Variants in P2RX7 observed in about 807,000 individuals in gnomAD.
P2RX7 encodes the protein P2X purinoceptor 7.
Under a neutral mutation model 71.6 loss-of-function variants are expected in P2RX7, and 62 were observed. That is an observed-to-expected ratio of 0.87 (90% CI 0.71 to 1.07). P2RX7 has a LOEUF of 1.07. Ranked by LOEUF, P2RX7 falls within the 50% of genes least tolerant of loss-of-function variation. The pLI is 0.00. For missense variants in P2RX7, 686 were observed against 748.5 expected, an observed-to-expected ratio of 0.92 and a Z score of 0.97; for synonymous variants, 299 against 283.3, an observed-to-expected ratio of 1.06 and a Z score of -0.56.
intron 1 of P2RX7, among the ~76,000 whole-genome samples, chr12:121,138,696 C>A (rs1874215911): frequency 6.6e-6 from 1 of 152,216 alleles, no homozygotes; most frequent in African/African-American, 2.4e-5. Context: ...TCTAAGTGTA[C>A]CTCTCTAGTC....
At chr12:121,172,181 C>A (rs1048820467) in intron 8 of P2RX7, among the ~76,000 whole-genome samples, 1 of 152,164 alleles carries the variant, frequency 6.6e-6, no homozygotes, top group Non-Finnish European at 1.5e-5. Flanking sequence ...GTGATTCTTG[C>A]CTTCAGTTTA....
chr12:121,154,780 T>A lies in P2RX7; in HGVS notation c.126-5T>A, dbSNP rs910391503. ...CGTTGATGCTTTCCCATGTCTGCCA[T>A]TTAGCTTTGCTCTGGTGAGTGACAA... On this transcript the variant is annotated splice_region_variant and splice_polypyrimidine_tract_variant and intron_variant, in intron 1 of 12. Coordinates refer to ENST00000328963, the MANE Select transcript of P2RX7 (RefSeq NM_002562.6). This position sits in a 1 kb window ranked among gnomAD's most constrained non-coding sequence, Gnocchi z 4.2. The A allele has an allele frequency of 6.2e-7, 1 of 1,602,712 alleles. No individual in the cohort carries two copies. Among genetic ancestry groups the A allele is most frequent in the Non-Finnish European group, 8.6e-7 (1 of 1,169,576 alleles).
intron 5 of P2RX7, among the ~76,000 whole-genome samples, chr12:121,164,617 C>T (rs208300): frequency 0.3 from 45,245 of 151,656 alleles, 6,946 homozygotes; most frequent in African/African-American, 0.33. Context: ...CCCATCTCTA[C>T]TAAAAAATGC....
In P2RX7 at chr12:121,132,947, C is replaced by T. The variant is rs1329623941; in HGVS notation, c.-24C>T. 2.5e-6 allele frequency: 4 copies of T among 1,612,826 alleles called. No individual in the cohort carries two copies. The highest frequency in any genetic ancestry group is 1.3e-5 in the African/African-American group (1 of 74,910). ...GAAGAGTAGAGCTCTGGTCCAGCTC[C>T]GCGCAGGGAGGGAGGCTGTCACCAT... is the stretch of plus-strand genomic sequence containing the variant. On this transcript the variant is annotated 5_prime_UTR_variant, in exon 1 of 13. Transcript: ENST00000328963.
chr12:121,155,977 G>A lies in P2RX7; in HGVS notation c.295-102G>A, dbSNP rs527864453. 3.5e-5 allele frequency: 36 copies of A among 1,036,376 alleles called. No individual in the cohort carries two copies. In the African/African-American group the frequency reaches 5.2e-4, roughly 15 times the overall value. 64.2% of individuals were successfully genotyped at this position (1,036,376 alleles called of 1,614,324 possible). A position where few individuals can be genotyped will look rare whatever the true frequency, so the allele number is the denominator to read the frequency against. On this transcript the variant is annotated intron_variant, in intron 2 of 12. Transcript: ENST00000328963. ...TGCCCACAGATCCTGATTTCTAGAAGCTTAGAAAAGTGGAGAGGTTCGCCC... is the reference window on the plus strand; with the variant it reads ...TGCCCACAGATCCTGATTTCTAGAAACTTAGAAAAGTGGAGAGGTTCGCCC...
At chr12:121,151,040 A>G (rs1877286293) in intron 1 of P2RX7, among the ~76,000 whole-genome samples, 1 of 152,090 alleles carries the variant, frequency 6.6e-6, no homozygotes. Context: ...CTCATCCTTC[A>G]TCCCATTCTC....
At chr12:121,160,521 C>G (rs1437743558) in intron 3 of P2RX7, among the ~76,000 whole-genome samples, 1 of 152,184 alleles carries the variant, frequency 6.6e-6, no homozygotes, top group African/African-American at 2.4e-5. Flanking sequence ...CTCCCCTTCC[C>G]CTGTCCCTGG....
intron 1 of P2RX7, among the ~76,000 whole-genome samples, chr12:121,136,631 T>TTTTC (rs745787357): frequency 1.2e-4 from 18 of 149,526 alleles, no homozygotes; most frequent in East Asian, 5.9e-4. Flanking sequence ...CTACAATTCC[T>TTTTC]TTTCTTTCTT....
intron 11 of P2RX7, among the ~76,000 whole-genome samples, chr12:121,179,714 T>A (rs1475380192): frequency 1.3e-5 from 2 of 152,154 alleles, no homozygotes; most frequent in Non-Finnish European, 2.9e-5. Flanking sequence ...TAAGTTGCAA[T>A]AGTACAAATT....
At chr12:121,163,561 G>A (rs1321467458) in intron 5 of P2RX7, among the ~76,000 whole-genome samples, 1 of 113,840 alleles carries the variant, frequency 8.8e-6, no homozygotes, top group African/African-American at 3.0e-5. Flanking sequence ...TAGAAAGATA[G>A]ATAGATAGAT....
At chr12:121,134,321 A>G (rs1873046387) in intron 1 of P2RX7, among the ~76,000 whole-genome samples, 2 of 152,184 alleles carry the variant, frequency 1.3e-5, no homozygotes, top group African/African-American at 4.8e-5. Flanking sequence ...TCAGCAGAGT[A>G]TGAGGGATCC....
At chr12:121,160,797 T>C in intron 3 of P2RX7, 105 bp from the exon 4 acceptor site, 4 of 966,240 alleles carry the variant, frequency 4.1e-6, no homozygotes, top group Non-Finnish European at 6.8e-6. Flanking sequence ...TGAGTAGTGC[T>C]GCTATAAGCA....
At position 121,149,129 on chromosome 12, in the gene P2RX7, T is replaced by A. The variant is rs1876870923; in HGVS notation, c.126-5656T>A. 1 of 521,732 alleles carries A rather than the reference T, an allele frequency of 1.9e-6. No homozygotes were observed. The highest frequency in any genetic ancestry group is 2.0e-5 in the African/African-American group (1 of 51,246). 32.3% of individuals were successfully genotyped at this position (521,732 alleles called of 1,614,324 possible). A position where few individuals can be genotyped will look rare whatever the true frequency, so the allele number is the denominator to read the frequency against. On this transcript the variant is annotated intron_variant, in intron 1 of 12. Transcript: ENST00000328963. This position sits in a 1 kb window ranked among gnomAD's most constrained non-coding sequence, Gnocchi z 4.7. The stretch of plus-strand genomic sequence containing the variant: ...TGATGCCAGTGTAAGTCTGTGACAG[T>A]CACTCATATTCAGAGCATGTGGATT...
chr12:121,136,647 C>CTTT (rs66894143), intron 1 of P2RX7, among the ~76,000 whole-genome samples: 12 of 119,234 alleles, frequency 1.0e-4, no homozygotes, highest in South Asian at 2.8e-4. Flanking sequence ...TTCTTTCTTT[C>CTTT]TTTTTTTTTT....
chr12:121,172,488 C>T (rs1008773231), intron 8 of P2RX7, among the ~76,000 whole-genome samples: 1 of 152,084 alleles, frequency 6.6e-6, no homozygotes, highest in Non-Finnish European at 1.5e-5. Flanking sequence ...AAAAATTAGT[C>T]GGGTGTAATG....
chr12:121,136,023 A>AAAAAAAATATATAT, intron 1 of P2RX7, among the ~76,000 whole-genome samples: 18 of 15,256 alleles, frequency 1.2e-3, no homozygotes, highest in African/African-American at 2.1e-3. Flanking sequence ...AAAAAAAAAA[A>AAAAAAAATATATAT]ATATATATAT....
intron 8 of P2RX7, among the ~76,000 whole-genome samples, chr12:121,175,168 G>A (rs960258337): frequency 2.7e-4 from 39 of 145,108 alleles, no homozygotes; most frequent in African/African-American, 9.4e-4. Flanking sequence ...AAAATTAGCC[G>A]AGCACGGTGG....
Position 121,160,426 on chromosome 12 carries a change from C to T in P2RX7, c.364-476C>T, listed in dbSNP as rs112018865. Among the ~76,000 whole-genome samples the T allele has an allele frequency of 4.9e-3, 741 of 152,266 alleles. 7 individuals carry two copies. Among genetic ancestry groups the T allele is most frequent in the African/African-American group, 0.017 (712 of 41,538 alleles). On this transcript the variant is annotated intron_variant, in intron 3 of 12. Coordinates refer to ENST00000328963, the MANE Select transcript of P2RX7 (RefSeq NM_002562.6). ...CCTCCCAAAGTGCTGGGATTACAGG[C>T]GTGATAAGCCACGGCGCCCAGCCCC...
At chr12:121,168,957 A>G (rs1653611) in intron 8 of P2RX7, among the ~76,000 whole-genome samples, 59,085 of 151,876 alleles carry the variant, frequency 0.39, 11,937 homozygotes, top group African/African-American at 0.45. Context: ...AAATATCTAT[A>G]GTTATAATGT....
Sources: gnomAD v4.1 joint callset for allele counts (sites outside exome capture counted in the v4.1 genomes callset) on GRCh38, gnomAD v4.1.1 for gene constraint, Gnocchi (gnomAD v3.1) non-coding constraint, MANE v1.5 for transcripts, NCBI Gene and HGNC (gene_info 2026-07-23, HGNC 2026-07-21) for gene names.